The following DPP6 variants were observed in gnomAD, a reference collection of about 807,000 sequenced individuals.
DPP6 encodes A-type potassium channel modulatory protein DPP6.
In DPP6, 69 loss-of-function variants were observed where a neutral mutation model predicts 122.6. The observed-to-expected ratio is 0.56, with a 90% CI of 0.46 to 0.69. The LOEUF (loss-of-function observed/expected upper bound fraction) is 0.69, where lower values mean the gene tolerates loss of function less well. DPP6 is among the 30% of genes least tolerant of loss of function. The pLI, the probability that DPP6 is intolerant of heterozygous loss-of-function variation, is 0.00. For synonymous variants in DPP6, 418 were observed against 433.1 expected, an observed-to-expected ratio of 0.97 and a Z score of 0.43; for missense variants, 928 against 1,116.9, an observed-to-expected ratio of 0.83 and a Z score of 2.41.
chr7:154,531,386 G>T (rs1051808163), intron 3 of DPP6, among the ~76,000 whole-genome samples: 1 of 151,782 alleles, frequency 6.6e-6, no homozygotes, highest in African/African-American at 2.4e-5. Context: ...ATGCTGAAAG[G>T]CAAAAAACAA....
chr7:154,127,614 C>CACAG (rs949579742), intron 1 of DPP6, among the ~76,000 whole-genome samples: 4 of 106,438 alleles, frequency 3.8e-5, no homozygotes, highest in African/African-American at 1.8e-4. Context: ...CACACACACA[C>CACAG]ACACACACAC....
chr7:154,847,486 T>C (rs1802033327), intron 16 of DPP6, among the ~76,000 whole-genome samples: 1 of 152,216 alleles, frequency 6.6e-6, no homozygotes, highest in South Asian at 2.1e-4. Context: ...TTATTTATTA[T>C]TGTTTTCCCC....
intron 5 of DPP6, chr7:154,588,063 G>A (rs775185896): frequency 2.1e-5 from 33 of 1,607,044 alleles, no homozygotes; most frequent in African/African-American, 5.3e-5. Flanking sequence ...GGCAGATTTC[G>A]GGCCAGAGAG....
At chr7:153,813,802 T>C in the DPP6 span, among the ~76,000 whole-genome samples, 1 of 151,728 alleles carries the variant, frequency 6.6e-6, no homozygotes, top group African/African-American at 2.4e-5. Flanking sequence ...TTTCATGTGT[T>C]TTTTGGCTGC....
intron 1 of DPP6, among the ~76,000 whole-genome samples, chr7:154,066,043 GTTTTTTTTTTTTTTTACTTTT>G (rs1192409990): frequency 8.4e-6 from 1 of 119,614 alleles, no homozygotes; most frequent in East Asian, 2.6e-4. Flanking sequence ...GTTCAGATTT[GTTTTTTTTTTTTTTTACTTTT>G]TTTTTTTTAA....
chr7:154,300,316 G>A (rs1805823186), intron 1 of DPP6, among the ~76,000 whole-genome samples: 1 of 152,200 alleles, frequency 6.6e-6, no homozygotes, highest in Non-Finnish European at 1.5e-5. Context: ...CACCACGAGA[G>A]TACTTAGCTG....
intron 1 of DPP6, among the ~76,000 whole-genome samples, chr7:154,368,663 T>C (rs1333705025): frequency 6.6e-6 from 1 of 152,226 alleles, no homozygotes; most frequent in Admixed American, 6.5e-5. Context: ...TCGCTGAAAA[T>C]GTCAAATCCT....
intron 1 of DPP6, among the ~76,000 whole-genome samples, chr7:154,240,185 C>T (rs1801496016): frequency 6.6e-6 from 1 of 152,034 alleles, no homozygotes; most frequent in South Asian, 2.1e-4. Flanking sequence ...GGAAAAGGAT[C>T]AACTCTTCGT....
chr7:154,653,756 A>AC (rs1837039164), intron 6 of DPP6, among the ~76,000 whole-genome samples: 1 of 151,856 alleles, frequency 6.6e-6, no homozygotes, highest in African/African-American at 2.4e-5. Context: ...CATTTACTGA[A>AC]CCCCCCAAAC....
At chr7:154,122,854 C>T (rs1807588550) in intron 1 of DPP6, among the ~76,000 whole-genome samples, 1 of 152,286 alleles carries the variant, frequency 6.6e-6, no homozygotes, top group African/African-American at 2.4e-5. Context: ...ACTGTGCGCC[C>T]TTTGACCATC....
At chr7:154,703,873 C>G (rs1412934104) in intron 7 of DPP6, among the ~76,000 whole-genome samples, 1 of 151,548 alleles carries the variant, frequency 6.6e-6, no homozygotes, top group Non-Finnish European at 1.5e-5. Context: ...GGAGGCGGAG[C>G]TTGCAGTGAG....
At chr7:154,157,424 T>A (rs1207494882) in intron 1 of DPP6, among the ~76,000 whole-genome samples, 1 of 152,196 alleles carries the variant, frequency 6.6e-6, no homozygotes, top group Admixed American at 6.5e-5. Context: ...AGTTGTCTTG[T>A]GCTTCGTGTT....
At chr7:154,189,629 C>A (rs993503119) in intron 1 of DPP6, among the ~76,000 whole-genome samples, 2 of 152,178 alleles carry the variant, frequency 1.3e-5, no homozygotes, top group African/African-American at 4.8e-5. Context: ...CTCTTAGACT[C>A]TTAATGGAGT....
chr7:154,621,274 C>T (rs868111517), intron 5 of DPP6, among the ~76,000 whole-genome samples: 80 of 152,328 alleles, frequency 5.3e-4, no homozygotes, highest in African/African-American at 1.5e-3. Flanking sequence ...AAAATCTCCA[C>T]GGTCTTATAA....
chr7:153,812,672 G>T, the DPP6 span, among the ~76,000 whole-genome samples: 2 of 152,196 alleles, frequency 1.3e-5, no homozygotes, highest in Non-Finnish European at 2.9e-5. Flanking sequence ...TGATTCAACA[G>T]AGAAAGTGGC....
At chr7:154,621,276 G>T (rs1012342695) in intron 5 of DPP6, among the ~76,000 whole-genome samples, 2 of 152,104 alleles carry the variant, frequency 1.3e-5, no homozygotes, top group Non-Finnish European at 2.9e-5. Flanking sequence ...AATCTCCACG[G>T]TCTTATAACT....
intron 3 of DPP6, among the ~76,000 whole-genome samples, chr7:154,531,025 A>C (rs1261206179): frequency 2.0e-5 from 3 of 152,254 alleles, no homozygotes; most frequent in East Asian, 3.9e-4. Context: ...GGAGAACATC[A>C]GGAAGAATAG....
intron 1 of DPP6, among the ~76,000 whole-genome samples, chr7:154,339,137 A>G (rs913419598): frequency 2.6e-5 from 4 of 152,242 alleles, no homozygotes; most frequent in African/African-American, 9.6e-5. Context: ...CATGTAATCA[A>G]CATTCATAGA....
intron 1 of DPP6, among the ~76,000 whole-genome samples, chr7:154,231,180 A>G (rs1480281041): frequency 6.6e-6 from 1 of 152,164 alleles, no homozygotes; most frequent in African/African-American, 2.4e-5. Context: ...TTGGGATCAC[A>G]GGTTTGATCT....
Sources: allele counts gnomAD v4.1 joint callset (sites outside exome capture counted in the v4.1 genomes callset), GRCh38; gene constraint gnomAD v4.1.1; transcripts MANE v1.5; gene names NCBI Gene and HGNC (gene_info 2026-07-23, HGNC 2026-07-21).